The following GPHN variants were observed in gnomAD, a reference collection of about 807,000 sequenced individuals.
GPHN encodes the protein gephyrin.
GPHN carries 17 observed loss-of-function variants against 95.5 expected under a neutral mutation model. The ratio of observed to expected loss-of-function variants is 0.18; its 90% CI spans 0.12 to 0.27. GPHN has a LOEUF of 0.27. Among genes scored for constraint, GPHN ranks in the 10% least tolerant of loss-of-function variants. GPHN has a pLI of 1.00. For synonymous variants in GPHN, 320 were observed against 322.5 expected, an observed-to-expected ratio of 0.99 and a Z score of 0.08; for missense variants, 660 against 978.1, an observed-to-expected ratio of 0.67 and a Z score of 4.34.
the GPHN span, among the ~76,000 whole-genome samples, chr14:67,477,849 C>T: frequency 3.3e-5 from 5 of 152,174 alleles, no homozygotes; most frequent in Admixed American, 2.6e-4. Context: ...CAATTAATGG[C>T]ACCACCATGC....
the GPHN span, chr14:67,659,656 C>A: frequency 1.4e-6 from 2 of 1,426,824 alleles, no homozygotes; most frequent in Non-Finnish European, 1.9e-6. Flanking sequence ...CATGAAATAC[C>A]CCAACAATAT....
At chr14:67,441,005 C>T in the GPHN span, among the ~76,000 whole-genome samples, 1 of 152,214 alleles carries the variant, frequency 6.6e-6, no homozygotes, top group African/African-American at 2.4e-5. Context: ...ATCAGAGGGC[C>T]AATATTCCAG....
At chr14:66,928,232 G>A (rs542300054) in intron 8 of GPHN, among the ~76,000 whole-genome samples, 32 of 152,156 alleles carry the variant, frequency 2.1e-4, no homozygotes, top group African/African-American at 5.3e-4. Context: ...TCAGGTTTTG[G>A]ATTTCTTCAT....
the GPHN span, chr14:67,695,890 A>C: frequency 1.7e-6 from 1 of 599,938 alleles, no homozygotes; most frequent in Non-Finnish European, 3.0e-6. Flanking sequence ...CGCTGGCAGA[A>C]GTTGAATTAT....
the GPHN span, chr14:67,383,643 G>A: frequency 1.7e-6 from 1 of 605,424 alleles, no homozygotes; most frequent in Non-Finnish European, 2.8e-6. Context: ...AACACTTTGA[G>A]CATTTTTAAG....
chr14:66,782,202 T>C (rs2059629485), intron 3 of GPHN, among the ~76,000 whole-genome samples: 1 of 152,236 alleles, frequency 6.6e-6, no homozygotes, highest in Non-Finnish European at 1.5e-5. Context: ...ATGTATCTCA[T>C]ACTAAATTTT....
At chr14:67,036,134 A>G (rs1203917685) in intron 10 of GPHN, among the ~76,000 whole-genome samples, 2 of 151,996 alleles carry the variant, frequency 1.3e-5, no homozygotes. Context: ...TCACATGATC[A>G]TCTCAAAAGG....
the GPHN span, among the ~76,000 whole-genome samples, chr14:67,689,764 T>G: frequency 2.0e-5 from 3 of 151,942 alleles, no homozygotes; most frequent in African/African-American, 4.8e-5. Context: ...ACCAACATGG[T>G]GAAATCCTGT....
chr14:67,704,620 T>C, the GPHN span, among the ~76,000 whole-genome samples: 1 of 152,168 alleles, frequency 6.6e-6, no homozygotes. Flanking sequence ...CATTTTAGCT[T>C]TGTGTGAGGA....
chr14:67,264,788 A>G, the GPHN span, among the ~76,000 whole-genome samples: 1 of 152,202 alleles, frequency 6.6e-6, no homozygotes, highest in South Asian at 2.1e-4. Context: ...TTGTAAACTA[A>G]ATCTTTCAGT....
At chr14:66,866,453 A>G (rs113652713) in intron 4 of GPHN, among the ~76,000 whole-genome samples, 78 of 152,232 alleles carry the variant, frequency 5.1e-4, no homozygotes, top group African/African-American at 1.6e-3. Context: ...TCTCATGAAA[A>G]TCTCTTATAA....
chr14:67,257,319 A>T, the GPHN span, among the ~76,000 whole-genome samples: 2 of 151,902 alleles, frequency 1.3e-5, no homozygotes, highest in African/African-American at 4.9e-5. Flanking sequence ...TCCTTTATCC[A>T]CAAGGAATTT....
the GPHN span, among the ~76,000 whole-genome samples, chr14:67,209,209 T>C: frequency 6.6e-6 from 1 of 152,164 alleles, no homozygotes; most frequent in Non-Finnish European, 1.5e-5. Context: ...AATGATCAAG[T>C]CCATATCTCA....
chr14:67,073,887 G>A (rs2076400534), intron 11 of GPHN, among the ~76,000 whole-genome samples: 1 of 152,072 alleles, frequency 6.6e-6, no homozygotes, highest in African/African-American at 2.4e-5. Flanking sequence ...ACAACTTCTG[G>A]AGTAACTAGA....
Position 66,645,834 on chromosome 14 carries a change from A to G in GPHN, c.65-35273A>G, listed in dbSNP as rs2064717610. 2.6e-5 allele frequency among the ~76,000 whole-genome samples: 4 copies of G among 151,950 alleles called. No individual in the cohort carries two copies. The South Asian group carries it at 8.3e-4, about 32-fold the overall frequency. The stretch of plus-strand genomic sequence containing the variant: ...ATACTCAGACTAACCCTATGATCTC[A>G]TAGGGGAGATATAATTGTCCCATTG... On this transcript the variant is annotated intron_variant, in intron 1 of 22. Coordinates refer to ENST00000478722, the MANE Select transcript of GPHN (RefSeq NM_020806.5).
the GPHN span, chr14:67,585,725 A>C: frequency 6.5e-6 from 8 of 1,239,708 alleles, no homozygotes; most frequent in Non-Finnish European, 9.2e-6. Flanking sequence ...TCCTCTGTGG[A>C]CTCAAAAGCC....
At chr14:67,233,362 G>A in the GPHN span, among the ~76,000 whole-genome samples, 1 of 152,110 alleles carries the variant, frequency 6.6e-6, no homozygotes, top group Non-Finnish European at 1.5e-5. Flanking sequence ...GGCTGGTCAT[G>A]AACTCATGAG....
intron 2 of GPHN, among the ~76,000 whole-genome samples, chr14:66,745,901 A>G (rs1274528855): frequency 1.3e-5 from 2 of 152,092 alleles, no homozygotes; most frequent in Non-Finnish European, 2.9e-5. Flanking sequence ...TCTGTTTTAC[A>G]TCACTATAGT....
At chr14:67,112,895 A>G in intron 15 of GPHN, 123 bp from the exon 16 acceptor site, 3 of 796,980 alleles carry the variant, frequency 3.8e-6, no homozygotes, top group Admixed American at 4.2e-5. Context: ...TTGTTTTCCT[A>G]CTACTTTATT....
Sources: gnomAD v4.1 joint callset for allele counts (sites outside exome capture counted in the v4.1 genomes callset) on GRCh38, gnomAD v4.1.1 for gene constraint, MANE v1.5 for transcripts, NCBI Gene and HGNC (gene_info 2026-07-23, HGNC 2026-07-21) for gene names.